Variants in RNF144A observed in about 807,000 individuals in gnomAD.
RNF144A encodes the protein E3 ubiquitin-protein ligase RNF144A.
RNF144A carries 11 observed loss-of-function variants against 38.7 expected under a neutral mutation model. The ratio of observed to expected loss-of-function variants is 0.28; its 90% CI spans 0.18 to 0.47. RNF144A has a LOEUF of 0.47. Ranked by LOEUF, RNF144A falls within the 20% of genes least tolerant of loss-of-function variation. The pLI, the probability that RNF144A is intolerant of heterozygous loss-of-function variation, is 0.99. For synonymous variants in RNF144A, 149 were observed against 143.9 expected, an observed-to-expected ratio of 1.04 and a Z score of -0.25; for missense variants, 316 against 377.2, an observed-to-expected ratio of 0.84 and a Z score of 1.34.
At chr2:7,058,058 G>T (rs1673806644) in intron 6 of RNF144A, among the ~76,000 whole-genome samples, 2 of 152,098 alleles carry the variant, frequency 1.3e-5, no homozygotes, top group Admixed American at 6.5e-5. Flanking sequence ...ACATGAAAGA[G>T]GCAAAGATAA....
At chr2:6,939,163 A>G (rs1211533909) in intron 1 of RNF144A, among the ~76,000 whole-genome samples, 1 of 152,146 alleles carries the variant, frequency 6.6e-6, no homozygotes. Context: ...CTGCCAAACT[A>G]TTTCCTAAAG....
intron 6 of RNF144A, among the ~76,000 whole-genome samples, chr2:7,023,416 G>A (rs1401496012): frequency 6.6e-6 from 1 of 152,140 alleles, no homozygotes; most frequent in East Asian, 1.9e-4. Context: ...CCATACATGT[G>A]TTAAATTCTG....
intron 2 of RNF144A, among the ~76,000 whole-genome samples, chr2:6,954,983 T>C (rs1666912036): frequency 6.6e-6 from 1 of 152,266 alleles, no homozygotes. Context: ...ATTTTTAAAA[T>C]AGACACCTCT....
downstream of RNF144A, among the ~76,000 whole-genome samples, chr2:7,071,800 G>C (rs1192656402): frequency 6.6e-6 from 1 of 152,178 alleles, no homozygotes; most frequent in Non-Finnish European, 1.5e-5. Flanking sequence ...TTGTAGATGT[G>C]ATTTAACATT....
At chr2:7,006,858 G>T (rs1315865035) in intron 3 of RNF144A, among the ~76,000 whole-genome samples, 1 of 152,094 alleles carries the variant, frequency 6.6e-6, no homozygotes, top group Admixed American at 6.5e-5. Context: ...GACAAGCATG[G>T]GCCTATACCT....
intron 2 of RNF144A, among the ~76,000 whole-genome samples, chr2:6,949,928 C>T (rs1666571710): frequency 6.6e-6 from 1 of 152,130 alleles, no homozygotes; most frequent in Non-Finnish European, 1.5e-5. Flanking sequence ...GAGAAAACCA[C>T]TATCATCATC....
chr2:7,056,171 A>T (rs915287413), intron 6 of RNF144A, among the ~76,000 whole-genome samples: 10 of 152,192 alleles, frequency 6.6e-5, no homozygotes, highest in African/African-American at 2.4e-4. Context: ...TGCACTAGCC[A>T]GGTGGAGGAA....
At position 7,020,601 on chromosome 2, in the gene RNF144A, T is replaced by G. The variant is rs181991931; in HGVS notation, c.430T>G (p.Ser144Ala). The G allele has an allele frequency of 1.7e-5, 28 of 1,611,550 alleles. No homozygotes were observed. The Admixed American group carries it at 2.7e-4, about 15-fold the overall frequency. The change falls in exon 6 of 9, where the codon TCC becomes GCC. Residue 144 changes from serine to alanine, a missense_variant. Coordinates refer to ENST00000320892, the MANE Select transcript of RNF144A (RefSeq NM_014746.6). ...QCKACRMEFC[S>A]TCKASWHPGQ... ...CAAAGCCTGCCGTATGGAATTCTGC[T>G]CCACCTGCAAAGCCAGCTGGCACCC...
chr2:7,013,885 A>C (rs532363035), intron 3 of RNF144A, among the ~76,000 whole-genome samples: 7 of 152,330 alleles, frequency 4.6e-5, no homozygotes, highest in African/African-American at 1.7e-4. Context: ...GAGGAATGCC[A>C]AATACAGTTG....
At chr2:7,021,251 A>G (rs569331270) in intron 6 of RNF144A, among the ~76,000 whole-genome samples, 1 of 152,254 alleles carries the variant, frequency 6.6e-6, no homozygotes, top group African/African-American at 2.4e-5. Context: ...TTTTTCTCCT[A>G]CAAAATCTAC....
In RNF144A at chr2:6,994,582, T is replaced by G. The variant is rs80316663; in HGVS notation, c.-11-2334T>G. Among the ~76,000 whole-genome samples the G allele has an allele frequency of 3.2e-3, 480 of 152,234 alleles. 4 individuals carry two copies. The highest frequency in any genetic ancestry group is 0.011 in the African/African-American group (462 of 41,540). On this transcript the variant is annotated intron_variant, in intron 2 of 8. Coordinates refer to ENST00000320892, the MANE Select transcript of RNF144A (RefSeq NM_014746.6). The stretch of plus-strand genomic sequence containing the variant: ...TGAATATGACCCTGGGGAGGACGCC[T>G]TGATGTCTGTACCCCCTGCAGCCCC...
chr2:7,053,596 A>G lies in RNF144A; in HGVS notation c.735-14620A>G, dbSNP rs140384932. Among the ~76,000 whole-genome samples, 662 of 152,376 alleles carry G rather than the reference A, an allele frequency of 4.3e-3. 10 individuals carry two copies. The highest frequency in any genetic ancestry group is 0.015 in the African/African-American group (632 of 41,596). ...AGTGTTGGAGACTGCCTACAGTTCCATGCCATGTGGGTTTCCTTAACATGG... is the reference window on the plus strand; with the variant it reads ...AGTGTTGGAGACTGCCTACAGTTCCGTGCCATGTGGGTTTCCTTAACATGG... On this transcript the variant is annotated intron_variant, in intron 6 of 6. Transcript: ENST00000432850.
chr2:6,957,958 G>A (rs1667114431), intron 2 of RNF144A, among the ~76,000 whole-genome samples: 2 of 152,154 alleles, frequency 1.3e-5, no homozygotes, highest in South Asian at 4.1e-4. Flanking sequence ...TTCCTTCTGG[G>A]GGCTGCAGCT....
At chr2:6,954,868 A>G (rs1014301076) in intron 2 of RNF144A, among the ~76,000 whole-genome samples, 1 of 152,230 alleles carries the variant, frequency 6.6e-6, no homozygotes, top group Non-Finnish European at 1.5e-5. Context: ...TTGATATTCT[A>G]GATTATTTTC....
In RNF144A at chr2:6,997,043, A is replaced by G. The variant is rs61732561; in HGVS notation, c.117A>G (p.Gln39=). The G allele has an allele frequency of 1.4e-4, 221 of 1,614,176 alleles. 1 individual carries two copies. In the African/African-American group the frequency reaches 2.4e-3, roughly 17 times the overall value. Residue 39 remains glutamine, a synonymous_variant, in exon 3 of 9, where the codon CAA becomes CAG. Coordinates refer to ENST00000320892, the MANE Select transcript of RNF144A (RefSeq NM_014746.6). The part of the protein sequence containing the change: ...VEQMTTIAQC[Q]CIFCTLCLKQ... The stretch of plus-strand genomic sequence containing the variant: ...AGATGACAACCATAGCCCAGTGCCA[A>G]TGCATCTTCTGTACTCTGGTTGGTC...
chr2:7,021,150 G>A (rs1396414773), intron 6 of RNF144A, among the ~76,000 whole-genome samples: 1 of 152,120 alleles, frequency 6.6e-6, no homozygotes, highest in Non-Finnish European at 1.5e-5. Flanking sequence ...AGCCATAGTC[G>A]GGCTGTTTGC....
intron 6 of RNF144A, among the ~76,000 whole-genome samples, chr2:7,060,843 T>G (rs1673923286): frequency 6.6e-6 from 1 of 152,182 alleles, no homozygotes; most frequent in South Asian, 2.1e-4. Context: ...TTTCTTATGC[T>G]CTAGTAGCAT....
At chr2:6,987,337 C>A (rs1203964087) in intron 2 of RNF144A, among the ~76,000 whole-genome samples, 3 of 152,116 alleles carry the variant, frequency 2.0e-5, no homozygotes, top group Non-Finnish European at 4.4e-5. Context: ...GGATGCTTCT[C>A]TAAGGTCATT....
At chr2:6,964,904 A>C (rs979368856) in intron 2 of RNF144A, among the ~76,000 whole-genome samples, 3 of 152,120 alleles carry the variant, frequency 2.0e-5, no homozygotes, top group Admixed American at 6.6e-5. Context: ...ACCAGCATGG[A>C]ACATGTATAC....
Sources: allele counts gnomAD v4.1 joint callset (sites outside exome capture counted in the v4.1 genomes callset), GRCh38; gene constraint gnomAD v4.1.1; transcripts MANE v1.5; gene names NCBI Gene and HGNC (gene_info 2026-07-23, HGNC 2026-07-21).